Variants in CATSPERT observed in about 807,000 individuals in gnomAD.
CATSPERT encodes the protein catsper channel auxiliary subunit tau, also known as cation channel sperm-associated targeting subunit tau.
chr2:201,503,241 AT>A, the CATSPERT span, among the ~76,000 whole-genome samples: 1 of 152,016 alleles, frequency 6.6e-6, no homozygotes, highest in African/African-American at 2.4e-5. Flanking sequence ...TATGCCCAGT[AT>A]TTTTTAAAAA....
the CATSPERT span, among the ~76,000 whole-genome samples, chr2:201,531,734 A>G: frequency 6.6e-6 from 1 of 152,154 alleles, no homozygotes; most frequent in Non-Finnish European, 1.5e-5. Context: ...TTGAGGCTGG[A>G]ATAAGTTTAG....
chr2:201,595,097 A>G, the CATSPERT span, among the ~76,000 whole-genome samples: 1 of 149,844 alleles, frequency 6.7e-6, no homozygotes, highest in Admixed American at 6.6e-5. Flanking sequence ...CTTTTTCCCC[A>G]TCTTTGTGGT....
chr2:201,507,424 G>A, the CATSPERT span, among the ~76,000 whole-genome samples: 6 of 152,084 alleles, frequency 3.9e-5, no homozygotes, highest in Admixed American at 1.3e-4. Flanking sequence ...ATAATTCAAT[G>A]CAACCCCAAT....
chr2:201,552,654 G>A, the CATSPERT span, among the ~76,000 whole-genome samples: 3 of 152,300 alleles, frequency 2.0e-5, no homozygotes, highest in South Asian at 6.2e-4. Context: ...GGAGTCAAAA[G>A]TTATATATGG....
chr2:201,603,377 G>T, the CATSPERT span: 1 of 956,272 alleles, frequency 1.0e-6, no homozygotes, highest in South Asian at 2.1e-5. Context: ...AAAACTCCAC[G>T]TTGTTGGTTT....
chr2:201,562,502 C>A, the CATSPERT span, among the ~76,000 whole-genome samples: 328 of 137,330 alleles, frequency 2.4e-3, 1 homozygote, highest in African/African-American at 7.5e-3. Flanking sequence ...TCTAATAATT[C>A]TTTATTTATT....
chr2:201,550,571 C>A, the CATSPERT span: 1 of 143,376 alleles, frequency 7.0e-6, no homozygotes, highest in South Asian at 2.4e-4. Flanking sequence ...AATAGGACCA[C>A]CTAGTATCCT....
At chr2:201,543,807 A>G in the CATSPERT span, among the ~76,000 whole-genome samples, 2 of 152,188 alleles carry the variant, frequency 1.3e-5, no homozygotes, top group Non-Finnish European at 2.9e-5. Flanking sequence ...AAACAAAGAT[A>G]AAGAAATATT....
the CATSPERT span, among the ~76,000 whole-genome samples, chr2:201,528,384 C>G: frequency 6.6e-6 from 1 of 152,138 alleles, no homozygotes; most frequent in South Asian, 2.1e-4. Context: ...ACAGAACTAC[C>G]ACTTGACCCA....
the CATSPERT span, among the ~76,000 whole-genome samples, chr2:201,513,887 A>G: frequency 6.6e-6 from 1 of 152,228 alleles, no homozygotes; most frequent in African/African-American, 2.4e-5. Flanking sequence ...GTAGAATTAA[A>G]TTACAGTCAT....
the CATSPERT span, among the ~76,000 whole-genome samples, chr2:201,529,045 A>G: frequency 6.6e-6 from 1 of 152,152 alleles, no homozygotes; most frequent in Non-Finnish European, 1.5e-5. Context: ...AAATTTAACC[A>G]AGGAGGTAAA....
chr2:201,487,699 A>G, the CATSPERT span: 1 of 1,614,156 alleles, frequency 6.2e-7, no homozygotes, highest in East Asian at 2.2e-5. Context: ...AGCCTGATGA[A>G]ACCATTCGAC....
the CATSPERT span, among the ~76,000 whole-genome samples, chr2:201,596,285 T>C: frequency 6.6e-6 from 1 of 152,154 alleles, no homozygotes; most frequent in South Asian, 2.1e-4. Flanking sequence ...GGGGCATGGA[T>C]GGAGCTGGAG....
chr2:201,582,350 A>C, the CATSPERT span: 1 of 874,212 alleles, frequency 1.1e-6, no homozygotes, highest in Admixed American at 3.4e-5. Context: ...TATATTATGC[A>C]AATAAATATT....
the CATSPERT span, among the ~76,000 whole-genome samples, chr2:201,589,174 T>A: frequency 1.3e-5 from 2 of 152,076 alleles, no homozygotes; most frequent in Non-Finnish European, 2.9e-5. Context: ...AAATGGCCAT[T>A]ACTGCCCAAA....
chr2:201,598,650 T>C, the CATSPERT span, among the ~76,000 whole-genome samples: 19 of 152,104 alleles, frequency 1.2e-4, no homozygotes, highest in African/African-American at 3.6e-4. Context: ...AGTGCCATGT[T>C]GGCTCACTGC....
At chr2:201,609,063 A>G in the CATSPERT span, among the ~76,000 whole-genome samples, 2 of 152,154 alleles carry the variant, frequency 1.3e-5, no homozygotes, top group Non-Finnish European at 2.9e-5. Context: ...ACTTAAAGTA[A>G]AAAACAGTAA....
chr2:201,568,291 C>A, the CATSPERT span, among the ~76,000 whole-genome samples: 1 of 152,138 alleles, frequency 6.6e-6, no homozygotes, highest in South Asian at 2.1e-4. Flanking sequence ...ATCAATAAAA[C>A]GGACCAGTCT....
chr2:201,540,698 T>C, the CATSPERT span, among the ~76,000 whole-genome samples: 2 of 152,256 alleles, frequency 1.3e-5, no homozygotes, highest in Non-Finnish European at 2.9e-5. Context: ...CTGATGGAAA[T>C]GTCTGAGGAC....
Sources: gnomAD v4.1 joint callset for allele counts (sites outside exome capture counted in the v4.1 genomes callset) on GRCh38, gnomAD v4.1.1 for gene constraint, MANE v1.5 for transcripts, NCBI Gene and HGNC (gene_info 2026-07-23, HGNC 2026-07-21) for gene names.